MTMR10: variants seen among roughly 807,000 people sequenced by gnomAD.
MTMR10 encodes the protein myotubularin-related protein 10.
MTMR10 carries 56 observed loss-of-function variants against 88.1 expected under a neutral mutation model. That is an observed-to-expected ratio of 0.64 (90% confidence interval 0.51 to 0.79). The LOEUF is 0.79. Ranked by LOEUF, MTMR10 falls within the 30% of genes least tolerant of loss-of-function variation. MTMR10 has a pLI of 0.00. For synonymous variants in MTMR10, 380 were observed against 340.9 expected, an observed-to-expected ratio of 1.11 and a Z score of -1.26; for missense variants, 883 against 924.7, an observed-to-expected ratio of 0.95 and a Z score of 0.58.
chr15:30,980,858 G>A (rs531409790), intron 2 of MTMR10, among the ~76,000 whole-genome samples: 6 of 152,150 alleles, frequency 3.9e-5, no homozygotes, highest in Admixed American at 6.5e-5. Context: ...CAAAAATGCC[G>A]GATTAGAAAG....
At chr15:30,930,432 G>A in the MTMR10 span, 2 of 1,268,148 alleles carry the variant, frequency 1.6e-6, no homozygotes, top group Non-Finnish European at 2.1e-6. Context: ...TGGGGTCCAT[G>A]TGCACTGAAT....
At chr15:30,974,562 T>C in intron 4 of MTMR10, 106 bp from the exon 5 acceptor site, 7 of 1,082,296 alleles carry the variant, frequency 6.5e-6, no homozygotes, top group Non-Finnish European at 7.4e-6. Context: ...CACCCAACAT[T>C]TGAGCTCTGC....
chr15:30,985,875 C>A (rs2030908037), intron 2 of MTMR10, among the ~76,000 whole-genome samples: 1 of 152,174 alleles, frequency 6.6e-6, no homozygotes. Flanking sequence ...TTAGTACCAA[C>A]CTAACAACAT....
the MTMR10 span, chr15:30,929,295 G>A: frequency 4.3e-5 from 70 of 1,613,004 alleles, 1 homozygote; most frequent in Non-Finnish European, 5.7e-5. Context: ...ATGCCCCCGA[G>A]GAGAGCCTGC....
Position 30,986,806 on chromosome 15 carries a change from T to C in MTMR10, c.121+3971A>G, listed in dbSNP as rs141104451. Reference sequence around the variant, plus strand: ...GGCAGCTTAGGGCTCACCCCACGCCTTTCTGCGATACAGGCACATGACACC... The same window carrying C: ...GGCAGCTTAGGGCTCACCCCACGCCCTTCTGCGATACAGGCACATGACACC... On this transcript the variant is annotated intron_variant, in intron 2 of 15. Transcript: ENST00000435680. Among the ~76,000 whole-genome samples, 748 of 152,310 alleles carry C rather than the reference T, an allele frequency of 4.9e-3. 6 individuals are homozygous for C. The highest frequency in any genetic ancestry group is 0.017 in the African/African-American group (705 of 41,568).
At position 30,939,874 on chromosome 15, in the gene MTMR10, T is replaced by A. The variant is rs1052556378; in HGVS notation, c.*1596A>T. On this transcript the variant is annotated 3_prime_UTR_variant, in exon 16 of 16. Coordinates refer to ENST00000435680, the MANE Select transcript of MTMR10 (RefSeq NM_017762.3). ...TTGTATAAACTGAAACTAGCCCTTATTTTCTAGGCAACAAGTTGGCAAAAA... is the reference window on the plus strand; with the variant it reads ...TTGTATAAACTGAAACTAGCCCTTAATTTCTAGGCAACAAGTTGGCAAAAA... 2.0e-6 allele frequency: 2 copies of A among 985,332 alleles called. No homozygotes were observed. Among genetic ancestry groups the A allele is most frequent in the Non-Finnish European group, 2.4e-6 (2 of 829,904 alleles). The allele number at this position is 985,332 out of a possible 1,614,324, so 61.0% of individuals were successfully genotyped here.
At chr15:30,924,950 A>G in the MTMR10 span, 1 of 616,286 alleles carries the variant, frequency 1.6e-6, no homozygotes, top group Non-Finnish European at 2.7e-6. Flanking sequence ...TGCCAGATGC[A>G]TTGAAATCCT....
At chr15:30,965,243 GT>G (rs974170704) in intron 6 of MTMR10, among the ~76,000 whole-genome samples, 1 of 152,140 alleles carries the variant, frequency 6.6e-6, no homozygotes, top group Non-Finnish European at 1.5e-5. Flanking sequence ...TGTACCTTGT[GT>G]TTTTCAAATA....
Position 30,958,732 on chromosome 15 carries a change from T to C in MTMR10, c.935+131A>G, listed in dbSNP as rs138496322. Reference sequence around the variant, plus strand: ...TATCACATTCTTTTCAAAATGGCAATTCTTATATAAAACATGGTGCTAACT... The same window carrying C: ...TATCACATTCTTTTCAAAATGGCAACTCTTATATAAAACATGGTGCTAACT... On this transcript the variant is annotated intron_variant, in intron 9 of 15. Transcript: ENST00000435680. The C allele has an allele frequency of 1.2e-3, 1,017 of 865,030 alleles. 4 individuals carry two copies. The African/African-American group carries it at 0.015, about 13-fold the overall frequency. The allele number at this position is 865,030 out of a possible 1,614,324, so 53.6% of individuals were successfully genotyped here. A position where few individuals can be genotyped will look rare whatever the true frequency, so the allele number is the denominator to read the frequency against.
chr15:30,943,521 A>C, intron 14 of MTMR10: 1 of 985,428 alleles, frequency 1.0e-6, no homozygotes, highest in South Asian at 4.7e-5. Flanking sequence ...TTTATAACTT[A>C]CTTCGTAAGT....
chr15:30,946,535 A>C (rs927167737), intron 14 of MTMR10: 2 of 560,598 alleles, frequency 3.6e-6, no homozygotes, highest in Non-Finnish European at 6.4e-6. Flanking sequence ...TCCTCTTCCT[A>C]GAAAGGCTTC....
intron 2 of MTMR10, among the ~76,000 whole-genome samples, chr15:30,986,633 A>C (rs1197809192): frequency 6.6e-6 from 1 of 152,152 alleles, no homozygotes; most frequent in Non-Finnish European, 1.5e-5. Flanking sequence ...AAATCAAATA[A>C]ATTTATCTTT....
chr15:30,928,807 A>G, the MTMR10 span: 10 of 1,457,244 alleles, frequency 6.9e-6, no homozygotes, highest in African/African-American at 1.3e-4. Context: ...CTTATTTTAA[A>G]AATCTGAGTA....
rs1421727733 is a variant in MTMR10 at position 30,974,372 on chromosome 15, T to C, written c.416A>G (p.Lys139Arg). 2 of 1,608,146 alleles carry C rather than the reference T, an allele frequency of 1.2e-6. No individual in the cohort carries two copies. The highest frequency in any genetic ancestry group is 2.7e-5 in the African/African-American group (2 of 74,886). ...GCGAAATCTGACAATTCTGAAATCT[T>C]TACAATAAATAATTAACTCTGTTGG... The part of the protein sequence containing the change: ...FNPTELIIYC[K>R]DFRIVRFRFD... The change falls in exon 5 of 16, where the codon AAA becomes AGA. Residue 139 changes from lysine (K) to arginine (R), a missense_variant. Lys to Arg is a conservative substitution (Grantham distance 26). This residue lies in a region of MTMR10 where 414 missense variants were observed against 423.2 expected (regional missense o/e 0.98). Transcript: ENST00000435680.
intron 5 of MTMR10, among the ~76,000 whole-genome samples, chr15:30,973,879 G>C (rs1361722257): frequency 6.6e-6 from 1 of 152,014 alleles, no homozygotes; most frequent in Admixed American, 6.6e-5. Flanking sequence ...ATAATTACTA[G>C]GCCTTTCCCG....
chr15:30,982,850 G>A (rs1257145890), intron 2 of MTMR10, among the ~76,000 whole-genome samples: 1 of 152,218 alleles, frequency 6.6e-6, no homozygotes, highest in Non-Finnish European at 1.5e-5. Flanking sequence ...AAGAGGAGCT[G>A]TCATAAGCTC....
intron 2 of MTMR10, among the ~76,000 whole-genome samples, chr15:30,977,304 C>A (rs1397405864): frequency 6.6e-6 from 1 of 152,192 alleles, no homozygotes; most frequent in Non-Finnish European, 1.5e-5. Context: ...CAGAGTATTA[C>A]TTGATGGAAT....
intron 5 of MTMR10, among the ~76,000 whole-genome samples, chr15:30,973,992 C>G (rs996040436): frequency 6.6e-6 from 1 of 152,272 alleles, no homozygotes; most frequent in Admixed American, 6.5e-5. Flanking sequence ...ACCTTAATTA[C>G]AGTATATCAC....
intron 7 of MTMR10, 130 bp from the exon 8 acceptor site, chr15:30,959,251 G>A: frequency 1.3e-6 from 1 of 759,638 alleles, no homozygotes; most frequent in East Asian, 2.7e-5. Context: ...CCACATGGTG[G>A]GCACCATGGG....
Sources: gnomAD v4.1 joint callset for allele counts (sites outside exome capture counted in the v4.1 genomes callset) on GRCh38, gnomAD v4.1.1 for gene constraint, gnomAD v4.1.1 regional missense constraint, MANE v1.5 for transcripts, NCBI Gene and HGNC (gene_info 2026-07-23, HGNC 2026-07-21) for gene names.